Variants in FAM13A observed in about 807,000 individuals in gnomAD.
FAM13A encodes the protein family with sequence similarity 13 member A, also known as protein FAM13A.
Under a neutral mutation model 129.6 loss-of-function variants are expected in FAM13A, and 76 were observed. The ratio of observed to expected loss-of-function variants is 0.59; its 90% confidence interval spans 0.49 to 0.71. FAM13A has a LOEUF of 0.71. FAM13A is among the 30% of genes least tolerant of loss of function. The probability of loss-of-function intolerance (pLI) is 0.00; values close to 1 mark genes in which losing one functional copy is unlikely to be tolerated. For missense variants in FAM13A, 1,108 were observed against 1,249.3 expected, an observed-to-expected ratio of 0.89 and a Z score of 1.70; for synonymous variants, 443 against 449.9, an observed-to-expected ratio of 0.98 and a Z score of 0.20.
intron 14 of FAM13A, 137 bp downstream of exon 14, chr4:88,758,617 C>G (rs1012932123): frequency 1.2e-6 from 1 of 837,044 alleles, no homozygotes; most frequent in Non-Finnish European, 1.8e-6. Flanking sequence ...CAAGGATTTT[C>G]GGTCATTTGG....
At chr4:88,737,392 C>CT (rs917965453) in intron 21 of FAM13A, 80 bp downstream of exon 21, 8 of 1,224,916 alleles carry the variant, frequency 6.5e-6, no homozygotes, top group Admixed American at 3.4e-5. Flanking sequence ...ATCACACCCC[C>CT]TTTCCATTCA....
At chr4:88,923,634 A>G (rs1359973767) in intron 5 of FAM13A, among the ~76,000 whole-genome samples, 1 of 152,192 alleles carries the variant, frequency 6.6e-6, no homozygotes, top group African/African-American at 2.4e-5. Flanking sequence ...TCCCTTTGAA[A>G]ACTGGCACAA....
intron 5 of FAM13A, among the ~76,000 whole-genome samples, chr4:88,908,054 T>C (rs1488397032): frequency 1.3e-5 from 2 of 152,204 alleles, no homozygotes; most frequent in Non-Finnish European, 2.9e-5. Flanking sequence ...AGCTGGGGAG[T>C]AGCTGCAGGT....
intron 4 of FAM13A, among the ~76,000 whole-genome samples, chr4:88,988,906 C>T (rs768763723): frequency 6.6e-6 from 1 of 152,094 alleles, no homozygotes; most frequent in African/African-American, 2.4e-5. Flanking sequence ...TATTGTATAA[C>T]GTTGTACCAC....
chr4:88,963,808 A>G (rs1411725386), intron 4 of FAM13A, among the ~76,000 whole-genome samples: 1 of 152,202 alleles, frequency 6.6e-6, no homozygotes, highest in East Asian at 1.9e-4. Flanking sequence ...GTATTATTTG[A>G]AACATACTAT....
intron 6 of FAM13A, among the ~76,000 whole-genome samples, chr4:88,898,269 C>T (rs1746682627): frequency 6.6e-6 from 1 of 152,004 alleles, no homozygotes; most frequent in African/African-American, 2.4e-5. Flanking sequence ...TCCTCAAATC[C>T]CATGTTTTTT....
intron 4 of FAM13A, among the ~76,000 whole-genome samples, chr4:88,940,861 A>C (rs779882575): frequency 1.3e-5 from 2 of 152,180 alleles, no homozygotes; most frequent in Non-Finnish European, 2.9e-5. Flanking sequence ...TAATGAAGTG[A>C]ATCTCTATAA....
rs577102390 is a variant in FAM13A at position 89,022,406 on chromosome 4, T to G, written c.218-1737A>C. On this transcript the variant is annotated intron_variant, in intron 2 of 23. Transcript: ENST00000264344. ...TTTGTGTTCTTCCACATATACATAT[T>G]ATTTGGCTGTGAAGAAAATCAATAT... is the stretch of plus-strand genomic sequence containing the variant. Among the ~76,000 whole-genome samples, 13 of 152,286 alleles carry G rather than the reference T, an allele frequency of 8.5e-5. No homozygotes were observed. In the South Asian group the frequency reaches 2.3e-3, roughly 27 times the overall value.
chr4:89,053,607 G>C (rs890795359), intron 1 of FAM13A, among the ~76,000 whole-genome samples: 3 of 152,114 alleles, frequency 2.0e-5, no homozygotes, highest in African/African-American at 7.2e-5. Context: ...CCAAGTTAGA[G>C]AGAAAGGCTA....
Position 88,739,079 on chromosome 4 carries a change from TACCTGTCGTATAGTGGCTTCATC to T in FAM13A, c.2490_2512del (p.Met831ProfsTer11). 6.2e-7 allele frequency: 1 copy of T among 1,614,004 alleles called. No homozygotes were observed. The highest frequency in any genetic ancestry group is 8.5e-7 in the Non-Finnish European group (1 of 1,179,928). ...GGAGAGGATCTGTTTGACCAGCCGG[TACCTGTCGTATAGTGGCTTCATC>T]ACCTGCCGTTCGTTCTTTGTTACCT... On this transcript the variant is annotated frameshift_variant, in exon 20 of 24. Transcript: ENST00000264344. LOFTEE classifies it high-confidence loss of function.
chr4:89,010,464 A>C (rs1459742741), intron 3 of FAM13A, among the ~76,000 whole-genome samples: 1 of 151,958 alleles, frequency 6.6e-6, no homozygotes, highest in Non-Finnish European at 1.5e-5. Context: ...GTTCCTAGAA[A>C]GTTGAAGACT....
At chr4:88,920,816 G>A (rs1329770490) in intron 5 of FAM13A, among the ~76,000 whole-genome samples, 1 of 152,148 alleles carries the variant, frequency 6.6e-6, no homozygotes, top group Non-Finnish European at 1.5e-5. Flanking sequence ...AAATTTAGAC[G>A]AATGTATAAC....
At chr4:88,828,978 T>C (rs1733470469) in intron 7 of FAM13A, among the ~76,000 whole-genome samples, 1 of 152,244 alleles carries the variant, frequency 6.6e-6, no homozygotes, top group Non-Finnish European at 1.5e-5. Context: ...TGCAGATTTC[T>C]AATTTTCTTA....
intron 3 of FAM13A, among the ~76,000 whole-genome samples, chr4:88,998,119 G>GA (rs1763798046): frequency 6.6e-6 from 1 of 152,164 alleles, no homozygotes; most frequent in African/African-American, 2.4e-5. Context: ...AGTCATACAG[G>GA]AGCCTAGACT....
intron 13 of FAM13A, 69 bp from the exon 14 acceptor site, chr4:88,758,970 C>A: frequency 1.3e-6 from 2 of 1,512,488 alleles, no homozygotes; most frequent in South Asian, 1.2e-5. Flanking sequence ...TGCAGCAATT[C>A]CACTCCTTCA....
chr4:88,859,748 A>G (rs1336797969), intron 6 of FAM13A, among the ~76,000 whole-genome samples: 1 of 152,178 alleles, frequency 6.6e-6, no homozygotes, highest in African/African-American at 2.4e-5. Context: ...GTACTAAGAT[A>G]GGCAAGGAGT....
chr4:88,949,857 A>G (rs1756643640), intron 4 of FAM13A, among the ~76,000 whole-genome samples: 1 of 152,184 alleles, frequency 6.6e-6, no homozygotes. Context: ...CCACTTGTTA[A>G]TCCAACTCAT....
intron 6 of FAM13A, among the ~76,000 whole-genome samples, chr4:88,896,544 C>G (rs1444311662): frequency 6.6e-6 from 1 of 152,198 alleles, no homozygotes; most frequent in Non-Finnish European, 1.5e-5. Context: ...TTACTTTGCA[C>G]AGGCATTTTT....
chr4:89,026,237 G>C (rs895880478), intron 2 of FAM13A, among the ~76,000 whole-genome samples: 7 of 152,198 alleles, frequency 4.6e-5, no homozygotes, highest in Admixed American at 2.0e-4. Flanking sequence ...TCCTGTTAAA[G>C]CTGGTTGTAA....
Sources: allele counts gnomAD v4.1 joint callset (sites outside exome capture counted in the v4.1 genomes callset), GRCh38; gene constraint gnomAD v4.1.1; transcripts MANE v1.5; gene names NCBI Gene and HGNC (gene_info 2026-07-23, HGNC 2026-07-21).